Variants in KCNJ3 observed in about 807,000 individuals in gnomAD.
KCNJ3 encodes the protein potassium inwardly rectifying channel subfamily J member 3, also known as G protein-activated inward rectifier potassium channel 1.
Under a neutral mutation model 39.2 loss-of-function variants are expected in KCNJ3, and 4 were observed. The ratio of observed to expected loss-of-function variants is 0.10; its 90% CI spans 0.05 to 0.23. The LOEUF (loss-of-function observed/expected upper bound fraction) is 0.23. Among genes scored for constraint, KCNJ3 ranks in the 10% least tolerant of loss-of-function variants. The pLI is 1.00. For synonymous variants in KCNJ3, 230 were observed against 237.4 expected (o/e 0.97, Z 0.29); for missense variants, 276 against 634.9 (o/e 0.43, Z 6.08).
Position 154,699,066 on chromosome 2 carries a change from C to T in KCNJ3, c.291C>T (p.Phe97=), listed in dbSNP as rs780666205. 1.2e-6 allele frequency: 2 copies of T among 1,614,250 alleles called. No individual in the cohort carries two copies. Among genetic ancestry groups the T allele is most frequent in the Non-Finnish European group, 1.7e-6 (2 of 1,180,052 alleles). ...TCACCTACACCGTGGCCTGGCTTTTCATGGCGTCCATGTGGTGGGTGATCG... is the reference window on the plus strand; with the variant it reads ...TCACCTACACCGTGGCCTGGCTTTTTATGGCGTCCATGTGGTGGGTGATCG... The part of the protein sequence containing the change: ...FILTYTVAWL[F]MASMWWVIAY... Residue 97 remains phenylalanine, a synonymous_variant, in exon 1 of 3, where the codon TTC becomes TTT. Coordinates refer to ENST00000295101, the MANE Select transcript of KCNJ3 (RefSeq NM_002239.4). The surrounding 1 kb of genome is among the most constrained non-coding windows in gnomAD (Gnocchi z 6.4).
chr2:154,839,685 T>C (rs1425093967), intron 2 of KCNJ3, among the ~76,000 whole-genome samples: 3 of 152,272 alleles, frequency 2.0e-5, no homozygotes, highest in Non-Finnish European at 4.4e-5. Flanking sequence ...TGATGATCAG[T>C]GATGATGAGC....
rs1245947072 is a variant in KCNJ3, at chr2:154,843,258, A to G, written c.920-11469A>G. On this transcript the variant is annotated intron_variant, in intron 2 of 2. Transcript: ENST00000295101. ...ATTCTTTGCTTTGAGAATGTTGAAT[A>G]TTGGCCTCCACTCTCTTCTGGCTTG... 3.3e-5 allele frequency among the ~76,000 whole-genome samples: 5 copies of G among 152,240 alleles called. No homozygotes were observed. The East Asian group carries it at 7.7e-4, about 24-fold the overall frequency.
intron 2 of KCNJ3, among the ~76,000 whole-genome samples, chr2:154,795,706 T>C (rs966035180): frequency 2.0e-5 from 3 of 152,106 alleles, no homozygotes; most frequent in South Asian, 2.1e-4. Flanking sequence ...TGCGTATTTT[T>C]ATTAGGTACA....
At chr2:154,753,976 G>A (rs1346817234) in intron 2 of KCNJ3, among the ~76,000 whole-genome samples, 7 of 152,040 alleles carry the variant, frequency 4.6e-5, no homozygotes, top group South Asian at 4.1e-4. Context: ...CAGAAAATTA[G>A]CATTGACTCC....
intron 2 of KCNJ3, among the ~76,000 whole-genome samples, chr2:154,712,424 A>G (rs1322816624): frequency 6.6e-6 from 1 of 152,230 alleles, no homozygotes; most frequent in Non-Finnish European, 1.5e-5. Flanking sequence ...TATCTTGTGA[A>G]TAAACTTTTC....
chr2:154,794,122 T>G (rs1174399049), intron 2 of KCNJ3, among the ~76,000 whole-genome samples: 2 of 151,908 alleles, frequency 1.3e-5, no homozygotes. Context: ...ATTAATATAT[T>G]CTATAATTTT....
chr2:154,792,966 A>G (rs948151497), intron 2 of KCNJ3, among the ~76,000 whole-genome samples: 1 of 152,090 alleles, frequency 6.6e-6, no homozygotes, highest in Non-Finnish European at 1.5e-5. Context: ...CAACAGTTTT[A>G]TTTGAAAGAA....
At chr2:154,749,078 T>C (rs925843027) in intron 2 of KCNJ3, among the ~76,000 whole-genome samples, 4 of 152,156 alleles carry the variant, frequency 2.6e-5, no homozygotes, top group African/African-American at 9.6e-5. Context: ...TCATTACTTT[T>C]GTTTTTGTTT....
chr2:154,759,400 C>T (rs2961964), intron 2 of KCNJ3, among the ~76,000 whole-genome samples: 4 of 150,760 alleles, frequency 2.7e-5, no homozygotes, highest in African/African-American at 7.3e-5. Context: ...GGACCTTCAT[C>T]GTGGTATTAA....
intron 1 of KCNJ3, among the ~76,000 whole-genome samples, chr2:154,702,316 C>T (rs1295471558): frequency 6.6e-6 from 1 of 151,788 alleles, no homozygotes; most frequent in Admixed American, 6.6e-5. Flanking sequence ...TTCCTACTAC[C>T]TAATTTAATT....
chr2:154,775,033 T>C (rs897916845), intron 2 of KCNJ3, among the ~76,000 whole-genome samples: 2 of 152,110 alleles, frequency 1.3e-5, no homozygotes, highest in Admixed American at 6.6e-5. Flanking sequence ...CCTCCTGTTT[T>C]AGCGTCTCGA....
At chr2:154,766,706 C>T (rs1686142290) in intron 2 of KCNJ3, among the ~76,000 whole-genome samples, 1 of 152,058 alleles carries the variant, frequency 6.6e-6, no homozygotes, top group Non-Finnish European at 1.5e-5. Context: ...CAGGCACATG[C>T]CATCATGCCT....
intron 2 of KCNJ3, among the ~76,000 whole-genome samples, chr2:154,806,600 G>A (rs956620132): frequency 6.6e-6 from 1 of 152,078 alleles, no homozygotes; most frequent in Non-Finnish European, 1.5e-5. Flanking sequence ...TAACATACTG[G>A]ATGCTAAGAG....
chr2:154,742,440 G>A (rs547285733), intron 2 of KCNJ3, among the ~76,000 whole-genome samples: 1 of 151,712 alleles, frequency 6.6e-6, no homozygotes, highest in Admixed American at 6.6e-5. Context: ...CTAAATTTTT[G>A]GAGGAACCAC....
intron 1 of KCNJ3, among the ~76,000 whole-genome samples, chr2:154,705,308 G>A (rs1684984634): frequency 6.6e-6 from 1 of 152,134 alleles, no homozygotes; most frequent in Admixed American, 6.5e-5. Flanking sequence ...CTTGTGCCAG[G>A]GCAGTGCTAA....
Position 154,854,779 on chromosome 2 carries a change from T to C in KCNJ3, c.972T>C (p.Gly324=). ...ATACTGAAGATGAAGTTCTTTGGGG[T>C]CATCGTTTTTTTCCTGTAATTTCCT... The part of the protein sequence containing the change: ...TSYTEDEVLW[G]HRFFPVISLE... The change falls in exon 3 of 3, where the codon GGT becomes GGC. Residue 324 remains glycine, a synonymous_variant. Coordinates refer to ENST00000295101, the MANE Select transcript of KCNJ3 (RefSeq NM_002239.4). 6.2e-7 allele frequency: 1 copy of C among 1,613,876 alleles called. No homozygotes were observed. Among genetic ancestry groups the C allele is most frequent in the Non-Finnish European group, 8.5e-7 (1 of 1,179,876 alleles).
rs573447876 is a variant in KCNJ3, at chr2:154,710,779, T to C, written c.919+960T>C. Among the ~76,000 whole-genome samples, 224 of 152,288 alleles carry C rather than the reference T, an allele frequency of 1.5e-3. 5 individuals carry two copies. The South Asian group carries it at 0.045, about 30-fold the overall frequency. ...GTATAAACTATAGCAATATAGAAATTAGCACTGGCAATACTACAGATAAAT... is the reference window on the plus strand; with the variant it reads ...GTATAAACTATAGCAATATAGAAATCAGCACTGGCAATACTACAGATAAAT... On this transcript the variant is annotated intron_variant, in intron 2 of 2. Coordinates refer to ENST00000295101, the MANE Select transcript of KCNJ3 (RefSeq NM_002239.4).
chr2:154,836,066 C>A (rs1173567643), intron 2 of KCNJ3, among the ~76,000 whole-genome samples: 1 of 151,844 alleles, frequency 6.6e-6, no homozygotes, highest in African/African-American at 2.4e-5. Context: ...AAAAATTAAC[C>A]TGGCGTGGTG....
intron 2 of KCNJ3, among the ~76,000 whole-genome samples, chr2:154,757,476 C>G (rs1316127682): frequency 6.6e-6 from 1 of 152,076 alleles, no homozygotes; most frequent in East Asian, 1.9e-4. Context: ...CTATAAATTT[C>G]TCTCCATATC....
Sources: gnomAD v4.1 joint callset for allele counts (sites outside exome capture counted in the v4.1 genomes callset) on GRCh38, gnomAD v4.1.1 for gene constraint, Gnocchi (gnomAD v3.1) non-coding constraint, MANE v1.5 for transcripts, NCBI Gene and HGNC (gene_info 2026-07-23, HGNC 2026-07-21) for gene names.